Variants in NAALADL2 observed in about 807,000 individuals in gnomAD.
NAALADL2 encodes the protein inactive N-acetylated-alpha-linked acidic dipeptidase-like protein 2.
In NAALADL2, 76 loss-of-function variants were observed where a neutral mutation model predicts 87.2. The observed-to-expected ratio is 0.87, with a 90% CI of 0.72 to 1.05. The LOEUF (loss-of-function observed/expected upper bound fraction) is 1.05. Among genes scored for constraint, NAALADL2 ranks in the 50% least tolerant of loss-of-function variants. The pLI, the probability that NAALADL2 is intolerant of heterozygous loss-of-function variation, is 0.00. For missense variants in NAALADL2, 1,089 were observed against 945.8 expected, an observed-to-expected ratio of 1.15 and a Z score of -1.99; for synonymous variants, 354 against 331.0, an observed-to-expected ratio of 1.07 and a Z score of -0.75.
intron 2 of NAALADL2, among the ~76,000 whole-genome samples, chr3:174,624,925 T>C (rs1314600348): frequency 6.6e-6 from 1 of 152,150 alleles, no homozygotes; most frequent in African/African-American, 2.4e-5. Context: ...AAGAAAATTA[T>C]ATTCTGCATT....
intron 4 of NAALADL2, among the ~76,000 whole-genome samples, chr3:175,305,227 G>GGTGTGTGTGTGTGTGTTTGTGTAT (rs1757550118): frequency 4.7e-5 from 7 of 147,480 alleles, no homozygotes; most frequent in Admixed American, 3.4e-4. Flanking sequence ...ATGCTTACAT[G>GGTGTGTGTGTGTGTGTTTGTGTAT]GTGTGTGTGT....
At chr3:175,457,020 T>G (rs1282863861) in intron 6 of NAALADL2, among the ~76,000 whole-genome samples, 1 of 152,096 alleles carries the variant, frequency 6.6e-6, no homozygotes, top group Non-Finnish European at 1.5e-5. Flanking sequence ...ACAGTAATAC[T>G]ACAGAGTGAG....
intron 1 of NAALADL2, among the ~76,000 whole-genome samples, chr3:174,518,070 A>G (rs73040538): frequency 0.017 from 2,543 of 152,188 alleles, 72 homozygotes; most frequent in African/African-American, 0.059. Flanking sequence ...TGGAGAATGT[A>G]TGCCCTATTT....
intron 1 of NAALADL2, among the ~76,000 whole-genome samples, chr3:174,522,378 G>C (rs929468403): frequency 6.6e-6 from 1 of 152,114 alleles, no homozygotes; most frequent in East Asian, 1.9e-4. Context: ...CTATAAAAGA[G>C]ACTGCAAGGG....
At chr3:174,680,551 T>C (rs544445002) in intron 2 of NAALADL2, among the ~76,000 whole-genome samples, 1 of 152,364 alleles carries the variant, frequency 6.6e-6, no homozygotes, top group Non-Finnish European at 1.5e-5. Flanking sequence ...CTCTTGATTT[T>C]ATCCAAAGAA....
At position 174,608,415 on chromosome 3, in the gene NAALADL2, G is replaced by A. The variant is rs1201761309; in HGVS notation, c.-115+57778G>A. On this transcript the variant is annotated intron_variant, in intron 2 of 3. Transcript: ENST00000434257. ...AAAGGATCAACAAAATTGATAGACC[G>A]CTAGCAAGACTAATAAAAAAAGAGA... Among the ~76,000 whole-genome samples the A allele has an allele frequency of 7.7e-3, 1,165 of 151,588 alleles. 16 individuals are homozygous for A. The highest frequency in any genetic ancestry group is 0.026 in the African/African-American group (1,083 of 41,244).
intron 13 of NAALADL2, among the ~76,000 whole-genome samples, chr3:175,785,653 T>A (rs1172918549): frequency 7.4e-6 from 1 of 135,008 alleles, no homozygotes; most frequent in Non-Finnish European, 1.5e-5. Context: ...CTTGACTCTT[T>A]ATCCAATTTG....
At chr3:175,403,598 A>C (rs1711761917) in intron 5 of NAALADL2, among the ~76,000 whole-genome samples, 1 of 152,118 alleles carries the variant, frequency 6.6e-6, no homozygotes, top group Non-Finnish European at 1.5e-5. Context: ...AGAGTCATTC[A>C]TATAGTTAAA....
intron 2 of NAALADL2, among the ~76,000 whole-genome samples, chr3:174,640,087 G>A (rs1455061448): frequency 6.6e-6 from 1 of 152,152 alleles, no homozygotes; most frequent in Non-Finnish European, 1.5e-5. Flanking sequence ...TCCACGTTAG[G>A]GGGAGGGAAG....
chr3:174,870,868 A>G (rs1358376376), intron 1 of NAALADL2, among the ~76,000 whole-genome samples: 2 of 152,294 alleles, frequency 1.3e-5, no homozygotes, highest in East Asian at 3.9e-4. Context: ...CTGCTTTTCT[A>G]TAGACACTGT....
At chr3:175,704,384 A>C (rs1176859166) in intron 11 of NAALADL2, among the ~76,000 whole-genome samples, 1 of 152,200 alleles carries the variant, frequency 6.6e-6, no homozygotes, top group Non-Finnish European at 1.5e-5. Context: ...AAAGCCATAC[A>C]TATAATACTT....
At chr3:174,950,042 G>A (rs1421546117) in intron 1 of NAALADL2, among the ~76,000 whole-genome samples, 1 of 152,064 alleles carries the variant, frequency 6.6e-6, no homozygotes, top group African/African-American at 2.4e-5. Flanking sequence ...TTATGACCCG[G>A]TTTGCTAAGT....
At chr3:175,458,554 T>G (rs1356515062) in intron 6 of NAALADL2, among the ~76,000 whole-genome samples, 1 of 147,912 alleles carries the variant, frequency 6.8e-6, no homozygotes, top group Admixed American at 6.8e-5. Flanking sequence ...AATTAAAATA[T>G]ATTAAATTTT....
intron 1 of NAALADL2, among the ~76,000 whole-genome samples, chr3:174,518,214 A>G (rs993676268): frequency 2.0e-5 from 3 of 152,068 alleles, no homozygotes; most frequent in African/African-American, 7.2e-5. Flanking sequence ...TAATTTCCTG[A>G]TTTTTAAAGT....
intron 1 of NAALADL2, among the ~76,000 whole-genome samples, chr3:174,480,756 G>T (rs1270049807): frequency 6.6e-6 from 1 of 152,098 alleles, no homozygotes; most frequent in Non-Finnish European, 1.5e-5. Flanking sequence ...AATTTTTATA[G>T]TGGGGCTTTA....
At chr3:175,367,330 C>G (rs1364379393) in intron 5 of NAALADL2, among the ~76,000 whole-genome samples, 3 of 149,898 alleles carry the variant, frequency 2.0e-5, no homozygotes, top group Non-Finnish European at 4.4e-5. Flanking sequence ...TTAGGATTGA[C>G]TTGGCGATGC....
chr3:174,941,991 C>G (rs1738677591), intron 1 of NAALADL2, among the ~76,000 whole-genome samples: 1 of 151,934 alleles, frequency 6.6e-6, no homozygotes, highest in African/African-American at 2.4e-5. Context: ...GAGCATTTAG[C>G]TCATTTACAT....
chr3:175,536,027 A>G lies in NAALADL2; in HGVS notation c.1654-40014A>G, dbSNP rs540490951. 3.3e-5 allele frequency among the ~76,000 whole-genome samples: 5 copies of G among 152,290 alleles called. No homozygotes were observed. In the East Asian group the frequency reaches 9.6e-4, roughly 29 times the overall value. On this transcript the variant is annotated intron_variant, in intron 9 of 13. Coordinates refer to ENST00000454872, the MANE Select transcript of NAALADL2 (RefSeq NM_207015.3). ...ATATTGTATCCCAGATCGATCTGAT[A>G]ACAAAACCCCAACTTTTTGCACTGT...
At chr3:174,913,615 C>T (rs559228685) in intron 1 of NAALADL2, among the ~76,000 whole-genome samples, 25 of 152,192 alleles carry the variant, frequency 1.6e-4, no homozygotes, top group Non-Finnish European at 2.8e-4. Context: ...CTCAAACTTG[C>T]AATCTCCTCT....
Sources: gnomAD v4.1 joint callset for allele counts (sites outside exome capture counted in the v4.1 genomes callset) on GRCh38, gnomAD v4.1.1 for gene constraint, MANE v1.5 for transcripts, NCBI Gene and HGNC (gene_info 2026-07-23, HGNC 2026-07-21) for gene names.